TMEM132D: variants seen among roughly 807,000 people sequenced by gnomAD.
TMEM132D encodes mature OL transmembrane protein.
TMEM132D carries 21 observed loss-of-function variants against 62.3 expected under a neutral mutation model. That is an observed-to-expected ratio of 0.34 (90% CI 0.24 to 0.49). The LOEUF is 0.49. Ranked by LOEUF, TMEM132D falls within the 20% of genes least tolerant of loss-of-function variation. The pLI is 0.99. For synonymous variants in TMEM132D, 621 were observed against 575.6 expected (o/e 1.08, Z -1.13); for missense variants, 1,346 against 1,402.8 (o/e 0.96, Z 0.65).
In TMEM132D at chr12:129,871,737, C is replaced by T. The variant is rs116336436; in HGVS notation, c.79+31524G>A. On this transcript the variant is annotated intron_variant, in intron 1 of 8. Transcript: ENST00000422113. ...GGTAGTTTGAAATTAGCCATGTGGG[C>T]GTGAGAACCAATTTTTATTAAACAT... is the stretch of plus-strand genomic sequence containing the variant. 4.0e-3 allele frequency among the ~76,000 whole-genome samples: 613 copies of T among 152,256 alleles called. 7 individuals carry two copies. The highest frequency in any genetic ancestry group is 0.014 in the African/African-American group (579 of 41,558).
intron 4 of TMEM132D, among the ~76,000 whole-genome samples, chr12:129,260,524 T>A (rs965568172): frequency 2.6e-5 from 4 of 152,214 alleles, no homozygotes; most frequent in Non-Finnish European, 5.9e-5. Flanking sequence ...TTTATTTTTT[T>A]AATTTCAACA....
At chr12:129,461,800 G>A (rs1873685698) in intron 3 of TMEM132D, among the ~76,000 whole-genome samples, 1 of 152,226 alleles carries the variant, frequency 6.6e-6, no homozygotes, top group Admixed American at 6.5e-5. Context: ...CTAATTAGTA[G>A]ATAGATAATC....
intron 3 of TMEM132D, among the ~76,000 whole-genome samples, chr12:129,375,976 C>T (rs534681906): frequency 6.6e-6 from 1 of 152,296 alleles, no homozygotes; most frequent in African/African-American, 2.4e-5. Context: ...AGGAATCTTA[C>T]AAGCACCCAG....
chr12:129,692,956 C>T (rs562517357), intron 2 of TMEM132D, among the ~76,000 whole-genome samples: 110 of 152,268 alleles, frequency 7.2e-4, no homozygotes, highest in Middle Eastern at 6.8e-3. Context: ...ACCTATGTAA[C>T]AAACCTGCAC....
At chr12:129,185,439 C>T (rs761015229) in intron 5 of TMEM132D, among the ~76,000 whole-genome samples, 1 of 152,072 alleles carries the variant, frequency 6.6e-6, no homozygotes, top group Non-Finnish European at 1.5e-5. Flanking sequence ...AATGTGTCCA[C>T]GCATAAAGTG....
At chr12:129,673,387 C>G (rs923796545) in intron 2 of TMEM132D, among the ~76,000 whole-genome samples, 4 of 152,168 alleles carry the variant, frequency 2.6e-5, no homozygotes, top group Admixed American at 2.0e-4. Flanking sequence ...GGGTAACGTA[C>G]AGATCCGTTT....
intron 5 of TMEM132D, among the ~76,000 whole-genome samples, chr12:129,090,012 A>G (rs1260423654): frequency 6.6e-6 from 1 of 152,214 alleles, no homozygotes; most frequent in Non-Finnish European, 1.5e-5. Flanking sequence ...CTGTTCAAAC[A>G]TTGTAAAGAG....
At chr12:129,442,008 G>A (rs990212532) in intron 3 of TMEM132D, among the ~76,000 whole-genome samples, 1 of 152,138 alleles carries the variant, frequency 6.6e-6, no homozygotes, top group African/African-American at 2.4e-5. Flanking sequence ...GAGAGGCAAG[G>A]CTTGAAAAAC....
intron 1 of TMEM132D, among the ~76,000 whole-genome samples, chr12:129,896,460 T>A (rs572275207): frequency 6.6e-6 from 1 of 152,290 alleles, no homozygotes; most frequent in African/African-American, 2.4e-5. Context: ...CCAAACACTC[T>A]TTGAGTCTCG....
intron 2 of TMEM132D, among the ~76,000 whole-genome samples, chr12:129,595,846 C>T (rs1369295232): frequency 6.6e-6 from 1 of 152,234 alleles, no homozygotes; most frequent in Non-Finnish European, 1.5e-5. Context: ...CCAGTGGTCC[C>T]TCAGCCTCCC....
At chr12:129,360,888 G>A (rs1339732057) in intron 3 of TMEM132D, among the ~76,000 whole-genome samples, 2 of 152,110 alleles carry the variant, frequency 1.3e-5, no homozygotes, top group Non-Finnish European at 2.9e-5. Flanking sequence ...CCTGTGTCGC[G>A]ACACATAACT....
chr12:129,846,114 A>T (rs1445269984), intron 1 of TMEM132D, among the ~76,000 whole-genome samples: 1 of 152,136 alleles, frequency 6.6e-6, no homozygotes, highest in Non-Finnish European at 1.5e-5. Context: ...GTAGTCTTCA[A>T]TCTGGTCCAC....
intron 2 of TMEM132D, among the ~76,000 whole-genome samples, chr12:129,615,365 A>C (rs1177924650): frequency 6.6e-6 from 1 of 152,098 alleles, no homozygotes; most frequent in Non-Finnish European, 1.5e-5. Context: ...AGGTTACAAA[A>C]GGAGGGTTTT....
rs1283502873 is a variant in TMEM132D, at chr12:129,337,622, G to A, written c.1299+12C>T. 2 of 1,613,612 alleles carry A rather than the reference G, an allele frequency of 1.2e-6. No individual in the cohort carries two copies. The highest frequency in any genetic ancestry group is 1.7e-6 in the Non-Finnish European group (2 of 1,179,796). Reference sequence around the variant, plus strand: ...AGTTCAGTTCTAACAGCCCAGGGCGGGGCTTGCTTACCATAGCCAGCGGCA... The same window carrying A: ...AGTTCAGTTCTAACAGCCCAGGGCGAGGCTTGCTTACCATAGCCAGCGGCA... On this transcript the variant is annotated intron_variant, in intron 4 of 8. Coordinates refer to ENST00000422113, the MANE Select transcript of TMEM132D (RefSeq NM_133448.3).
intron 4 of TMEM132D, among the ~76,000 whole-genome samples, chr12:129,230,777 C>T (rs953341119): frequency 7.2e-5 from 11 of 152,226 alleles, no homozygotes; most frequent in Non-Finnish European, 1.5e-4. Flanking sequence ...CAACTCTTGA[C>T]ATCCTGTCTC....
chr12:129,404,090 A>C (rs1871699736), intron 3 of TMEM132D, among the ~76,000 whole-genome samples: 1 of 152,186 alleles, frequency 6.6e-6, no homozygotes, highest in Non-Finnish European at 1.5e-5. Flanking sequence ...GTAACACAGG[A>C]TGGGGATGCA....
intron 1 of TMEM132D, among the ~76,000 whole-genome samples, chr12:129,859,906 C>T (rs1176124449): frequency 1.3e-5 from 2 of 152,212 alleles, no homozygotes; most frequent in South Asian, 4.1e-4. Flanking sequence ...TGCAGACAGT[C>T]TATCATGGGA....
chr12:129,837,085 G>A (rs1262040940), intron 1 of TMEM132D, among the ~76,000 whole-genome samples: 1 of 152,300 alleles, frequency 6.6e-6, no homozygotes, highest in East Asian at 1.9e-4. Flanking sequence ...GATAAACAGC[G>A]CTGTATGTGA....
intron 5 of TMEM132D, among the ~76,000 whole-genome samples, chr12:129,119,364 G>T (rs918005865): frequency 6.6e-6 from 1 of 152,142 alleles, no homozygotes; most frequent in African/African-American, 2.4e-5. Context: ...CAAAGTTACA[G>T]AATCAACCTG....
Sources: allele counts gnomAD v4.1 joint callset (sites outside exome capture counted in the v4.1 genomes callset), GRCh38; gene constraint gnomAD v4.1.1; transcripts MANE v1.5; gene names NCBI Gene and HGNC (gene_info 2026-07-23, HGNC 2026-07-21).